RELCH: variants seen among roughly 807,000 people sequenced by gnomAD.
RELCH encodes RAB11 binding and LisH domain, coiled-coil and HEAT repeat containing.
In RELCH, 41 loss-of-function variants were observed where a neutral mutation model predicts 150.3. The ratio of observed to expected loss-of-function variants is 0.27; its 90% CI spans 0.21 to 0.35. The LOEUF (loss-of-function observed/expected upper bound fraction) is 0.35. Among genes scored for constraint, RELCH ranks in the 10% least tolerant of loss-of-function variants. The probability of loss-of-function intolerance (pLI) is 1.00; values close to 1 mark genes in which losing one functional copy is unlikely to be tolerated. For missense variants in RELCH, 1,092 were observed against 1,467.8 expected, an observed-to-expected ratio of 0.74 and a Z score of 4.18; for synonymous variants, 478 against 531.8, an observed-to-expected ratio of 0.90 and a Z score of 1.39.
Position 62,187,462 on chromosome 18 carries a change from G to A in RELCH, c.-44G>A. Reference sequence around the variant, plus strand: ...GCCTAGAGGATTCGGGCTGCGGCCCGTCGGAACCAGTCAGGGAGGCGCCCA... The same window carrying A: ...GCCTAGAGGATTCGGGCTGCGGCCCATCGGAACCAGTCAGGGAGGCGCCCA... On this transcript the variant is annotated 5_prime_UTR_variant, in exon 1 of 29. Coordinates refer to ENST00000644646, the MANE Select transcript of RELCH (RefSeq NM_001346231.2). The A allele has an allele frequency of 2.7e-6, 4 of 1,487,580 alleles. No individual in the cohort carries two copies. The highest frequency in any genetic ancestry group is 2.7e-6 in the Non-Finnish European group (3 of 1,119,206). The allele number at this position is 1,487,580 out of a possible 1,614,324, so 92.1% of individuals were successfully genotyped here. A position where few individuals can be genotyped will look rare whatever the true frequency, so the allele number is the denominator to read the frequency against.
Position 62,252,562 on chromosome 18 carries a change from C to T in RELCH, c.1734-102C>T. The stretch of plus-strand genomic sequence containing the variant: ...AAGTCTAATTTGATTGTATAAAAAT[C>T]TTGTACTCTATGTGAATTTATAGAG... On this transcript the variant is annotated intron_variant, in intron 11 of 28. Transcript: ENST00000644646. The T allele has an allele frequency of 3.8e-6, 3 of 784,122 alleles. No homozygotes were observed. The South Asian group carries it at 4.7e-5, about 12-fold the overall frequency. The allele number at this position is 784,122 out of a possible 1,614,324, so 48.6% of individuals were successfully genotyped here. A position where few individuals can be genotyped will look rare whatever the true frequency, so the allele number is the denominator to read the frequency against.
At position 62,264,748 on chromosome 18, in the gene RELCH, A is replaced by G. The variant is rs773786049; in HGVS notation, c.2527A>G (p.Ile843Val). 6.3e-7 allele frequency: 1 copy of G among 1,597,374 alleles called. No homozygotes were observed. Among genetic ancestry groups the G allele is most frequent in the East Asian group, 2.2e-5 (1 of 44,572 alleles). The change falls in exon 18 of 29, where the codon ATA (isoleucine) becomes GTA (valine). Residue 843 changes from isoleucine to valine, a missense_variant. Ile to Val is a conservative substitution (Grantham distance 29, BLOSUM62 3). This residue lies in a region of RELCH where 707 missense variants were observed against 1,025.4 expected (regional missense o/e 0.69). Transcript: ENST00000644646. ...VNQLLPQLIE[I>V]VGKINVTSTA... ...ATTCAGGTTGCCACAACTTATAGAA[A>G]TAGTTGGCAAAATTAATGTTACTTC...
chr18:62,215,995 C>A (rs899498089), intron 2 of RELCH, among the ~76,000 whole-genome samples: 2 of 152,076 alleles, frequency 1.3e-5, no homozygotes, highest in African/African-American at 4.8e-5. Context: ...TAGTAGCAGA[C>A]ACCAAACCAA....
At chr18:62,258,756 C>A in intron 15 of RELCH, 80 bp downstream of exon 15, 1 of 1,006,236 alleles carries the variant, frequency 9.9e-7, no homozygotes, top group Non-Finnish European at 1.4e-6. Flanking sequence ...TGTTAGAGAA[C>A]AGAGACAGAA....
At chr18:62,277,624 A>G in intron 22 of RELCH, 1 of 937,692 alleles carries the variant, frequency 1.1e-6, no homozygotes, top group Non-Finnish European at 1.3e-6. Context: ...TGAGAAGAAA[A>G]TGAGGCATAC....
At chr18:62,267,518 G>C in intron 19 of RELCH, among the ~76,000 whole-genome samples, 1 of 122,050 alleles carries the variant, frequency 8.2e-6, no homozygotes, top group Non-Finnish European at 1.7e-5. Context: ...GTGTGTGTGT[G>C]TATACATATA....
intron 1 of RELCH, among the ~76,000 whole-genome samples, chr18:62,200,685 A>G (rs1203244537): frequency 6.6e-6 from 1 of 151,978 alleles, no homozygotes; most frequent in Non-Finnish European, 1.5e-5. Context: ...CTTTATCACC[A>G]AGGTTACTGC....
Position 62,258,495 on chromosome 18 carries a change from C to G in RELCH, c.2038-17C>G, listed in dbSNP as rs1568391392. ...TATCCCTTTAAAAATCTACATTTGC[C>G]TTTTTCTCATTGACAGGGTTTTGAA... On this transcript the variant is annotated splice_polypyrimidine_tract_variant and intron_variant, in intron 14 of 28. Coordinates refer to ENST00000644646, the MANE Select transcript of RELCH (RefSeq NM_001346231.2). 6.3e-7 allele frequency: 1 copy of G among 1,586,458 alleles called. No individual in the cohort carries two copies. Among genetic ancestry groups the G allele is most frequent in the Non-Finnish European group, 8.5e-7 (1 of 1,169,744 alleles).
intron 15 of RELCH, 132 bp downstream of exon 15, chr18:62,258,808 A>G: frequency 1.8e-6 from 1 of 553,980 alleles, no homozygotes; most frequent in Non-Finnish European, 3.0e-6. Context: ...CCAGTTAAAG[A>G]TGCTGTTGGA....
chr18:62,201,515 A>C (rs568501378), intron 1 of RELCH, among the ~76,000 whole-genome samples: 1 of 152,208 alleles, frequency 6.6e-6, no homozygotes, highest in African/African-American at 2.4e-5. Context: ...CATGATTTTT[A>C]AATTATAAAG....
At chr18:62,267,417 A>G (rs2043623912) in intron 19 of RELCH, among the ~76,000 whole-genome samples, 1 of 147,066 alleles carries the variant, frequency 6.8e-6, no homozygotes, top group South Asian at 2.2e-4. Flanking sequence ...ATATATATAT[A>G]GTCTAGGTAT....
chr18:62,268,945 T>A lies in RELCH; in HGVS notation c.2757T>A (p.Ile919=), dbSNP rs1209412915. 5 of 1,506,616 alleles carry A rather than the reference T, an allele frequency of 3.3e-6. No homozygotes were observed. The highest frequency in any genetic ancestry group is 4.5e-6 in the Non-Finnish European group (5 of 1,115,438). 93.3% of individuals were successfully genotyped at this position (1,506,616 alleles called of 1,614,324 possible). Residue 919 remains isoleucine, a synonymous_variant, in exon 20 of 29, where the codon ATT becomes ATA. Transcript: ENST00000644646. ...IYATGVLTCY[I]QEEDRKLLVG... is the part of the protein sequence containing the mutation. ...CAACAGGAGTCCTTACGTGTTATAT[T>A]CAGGTAAGGGAAAAATTCTTACTCT...
chr18:62,267,482 A>ATATG (rs1375006584), intron 19 of RELCH, among the ~76,000 whole-genome samples: 60 of 89,266 alleles, frequency 6.7e-4, no homozygotes, highest in African/African-American at 1.5e-3. Flanking sequence ...GTCTAGGTAT[A>ATATG]TATGTGTGTG....
intron 10 of RELCH, among the ~76,000 whole-genome samples, chr18:62,237,631 A>T (rs571732179): frequency 2.4e-4 from 37 of 151,942 alleles, no homozygotes; most frequent in African/African-American, 8.4e-4. Flanking sequence ...GTTTTACATC[A>T]TGTGCCAGTA....
rs1321121325 is a variant in RELCH, at chr18:62,308,605, T to C, written c.*3071T>C. 1 of 152,116 alleles carries C rather than the reference T, an allele frequency of 6.6e-6. No homozygotes were observed. The highest frequency in any genetic ancestry group is 1.5e-5 in the Non-Finnish European group (1 of 68,034). The allele number at this position is 152,116 out of a possible 1,614,324, so 9.4% of individuals were successfully genotyped here. On this transcript the variant is annotated 3_prime_UTR_variant, in exon 29 of 29. Coordinates refer to ENST00000644646, the MANE Select transcript of RELCH (RefSeq NM_001346231.2). ...GGTGACGTGGGCCTGTAATCCCTGC[T>C]ACTCGGGAGGCTGAGACAGGAGAAT...
In RELCH at chr18:62,287,352, T is replaced by G. The variant is rs1290005791; in HGVS notation, c.3255T>G (p.Phe1085Leu). The G allele has an allele frequency of 2.6e-6, 4 of 1,542,362 alleles. No homozygotes were observed. The highest frequency in any genetic ancestry group is 2.7e-6 in the Non-Finnish European group (3 of 1,116,378). The change falls in exon 26 of 29, where the codon TTT becomes TTG. Residue 1085 changes from phenylalanine to leucine, a missense_variant and splice_region_variant. Coordinates refer to ENST00000644646, the MANE Select transcript of RELCH (RefSeq NM_001346231.2). ...TAACCCTTTTTTTTCTGTTTTCAGT[T>G]GTTATACCACATTTGCATAAGTTAG... ...PNAEPRFRDE[F>L]VIPHLHKLAL...
intron 9 of RELCH, among the ~76,000 whole-genome samples, chr18:62,232,004 G>A (rs9946768): frequency 0.41 from 62,796 of 151,754 alleles, 13,143 homozygotes; most frequent in Middle Eastern, 0.58. Flanking sequence ...AGACAAAAAC[G>A]AACATTGAGG....
Position 62,211,253 on chromosome 18 carries a change from T to C in RELCH, c.616+11T>C. 2.7e-6 allele frequency: 4 copies of C among 1,504,220 alleles called. No individual in the cohort carries two copies. Among genetic ancestry groups the C allele is most frequent in the Non-Finnish European group, 3.7e-6 (4 of 1,083,624 alleles). 93.2% of individuals were successfully genotyped at this position (1,504,220 alleles called of 1,614,324 possible). A position where few individuals can be genotyped will look rare whatever the true frequency, so the allele number is the denominator to read the frequency against. On this transcript the variant is annotated intron_variant, in intron 2 of 28. Coordinates refer to ENST00000644646, the MANE Select transcript of RELCH (RefSeq NM_001346231.2). ...ATGAAAAAGTGGCAGGTGAGTAAAA[T>C]TGTAAGGACAGATTTGGATTCTTTG... is the stretch of plus-strand genomic sequence containing the variant.
In RELCH at chr18:62,187,335, G is replaced by T; in HGVS notation, c.-171G>T. On this transcript the variant is annotated 5_prime_UTR_variant, in exon 1 of 29. Transcript: ENST00000644646. The stretch of plus-strand genomic sequence containing the variant: ...AGCAGAGGCTGAGGCATCAGGTGCA[G>T]CTGCATCCGGATCTCCTGCCTTGGA... 1.9e-6 allele frequency: 1 copy of T among 530,106 alleles called. No individual in the cohort carries two copies. The highest frequency in any genetic ancestry group is 3.2e-6 in the Non-Finnish European group (1 of 315,200). The allele number at this position is 530,106 out of a possible 1,614,324, so 32.8% of individuals were successfully genotyped here. A position where few individuals can be genotyped will look rare whatever the true frequency, so the allele number is the denominator to read the frequency against.
Sources: gnomAD v4.1 joint callset for allele counts (sites outside exome capture counted in the v4.1 genomes callset) on GRCh38, gnomAD v4.1.1 for gene constraint, gnomAD v4.1.1 regional missense constraint, MANE v1.5 for transcripts, NCBI Gene and HGNC (gene_info 2026-07-23, HGNC 2026-07-21) for gene names.